The following PPIL1 variants were observed in gnomAD, a reference collection of about 807,000 sequenced individuals.
The protein encoded by PPIL1 is peptidylprolyl isomerase like 1.
Under a neutral mutation model 19.4 loss-of-function variants are expected in PPIL1, and 14 were observed. That is an observed-to-expected ratio of 0.72 (90% CI 0.48 to 1.13). The LOEUF (loss-of-function observed/expected upper bound fraction) is 1.13, where lower values mean the gene tolerates loss of function less well. Ranked by LOEUF, PPIL1 falls within the 50% of genes most tolerant of loss-of-function variation. The pLI is 0.00. For missense variants in PPIL1, 192 were observed against 218.0 expected, an observed-to-expected ratio of 0.88 and a Z score of 0.75; for synonymous variants, 72 against 73.6, an observed-to-expected ratio of 0.98 and a Z score of 0.11.
intron 2 of PPIL1, chr6:36,858,600 G>GC (rs980477844): frequency 4.6e-5 from 7 of 152,192 alleles, no homozygotes; most frequent in East Asian, 3.9e-4. Flanking sequence ...GCCTGTCACA[G>GC]CCCCCGTTTC....
rs528311169 is a variant in PPIL1 at position 36,856,528 on chromosome 6, A to G, written c.280+58T>C. 683 of 1,507,790 alleles carry G rather than the reference A, an allele frequency of 4.5e-4. 2 individuals carry two copies. The highest frequency in any genetic ancestry group is 8.1e-5 in the Non-Finnish European group (88 of 1,084,068). 93.4% of individuals were successfully genotyped at this position (1,507,790 alleles called of 1,614,324 possible). A position where few individuals can be genotyped will look rare whatever the true frequency, so the allele number is the denominator to read the frequency against. On this transcript the variant is annotated intron_variant, in intron 3 of 3. Coordinates refer to ENST00000373699, the MANE Select transcript of PPIL1 (RefSeq NM_016059.5). ...AGGCATTCACCTTGAATCATGGCCA[A>G]AAGAGTGAGCTTTTAAAATCCCCGT...
chr6:36,860,166 C>A (rs1774252890), intron 2 of PPIL1, among the ~76,000 whole-genome samples: 1 of 151,476 alleles, frequency 6.6e-6, no homozygotes, highest in South Asian at 2.1e-4. Context: ...TAGAAAAGAA[C>A]CTTCAAGATT....
chr6:36,856,779 C>T (rs1006844096), intron 2 of PPIL1, 125 bp from the exon 3 acceptor site: 2 of 750,452 alleles, frequency 2.7e-6, no homozygotes, highest in East Asian at 2.6e-5. Context: ...ACACCTACCC[C>T]ACTGCTAGGT....
At chr6:36,873,025 G>A (rs1370879207) in intron 1 of PPIL1, among the ~76,000 whole-genome samples, 1 of 152,232 alleles carries the variant, frequency 6.6e-6, no homozygotes, top group Non-Finnish European at 1.5e-5. Flanking sequence ...CTTTCTGCCT[G>A]AAATTCATCC....
intron 2 of PPIL1, among the ~76,000 whole-genome samples, chr6:36,868,728 C>T (rs1169653049): frequency 6.6e-6 from 1 of 151,940 alleles, no homozygotes; most frequent in East Asian, 1.9e-4. Context: ...CTCAGCTACT[C>T]GGGAGGCTGA....
At chr6:36,866,065 G>C (rs946291760) in intron 2 of PPIL1, among the ~76,000 whole-genome samples, 2 of 152,150 alleles carry the variant, frequency 1.3e-5, no homozygotes, top group Non-Finnish European at 2.9e-5. Context: ...GTGCAGAGCA[G>C]GAAGAGCTAA....
At chr6:36,863,748 C>T (rs1412500007) in intron 2 of PPIL1, among the ~76,000 whole-genome samples, 1 of 151,970 alleles carries the variant, frequency 6.6e-6, no homozygotes, top group African/African-American at 2.4e-5. Context: ...TTGTCAAGGT[C>T]GCCAGTGACC....
intron 2 of PPIL1, among the ~76,000 whole-genome samples, chr6:36,868,672 T>C (rs990837270): frequency 8.6e-5 from 13 of 152,044 alleles, no homozygotes; most frequent in African/African-American, 3.1e-4. Context: ...CTCAACTCTA[T>C]AAAAAATTTA....
chr6:36,863,598 ATCC>A (rs1309233436), intron 2 of PPIL1, among the ~76,000 whole-genome samples: 5 of 152,162 alleles, frequency 3.3e-5, no homozygotes, highest in Non-Finnish European at 7.3e-5. Flanking sequence ...ATTTCCAAGT[ATCC>A]TCCTATTTCT....
intron 2 of PPIL1, among the ~76,000 whole-genome samples, chr6:36,870,265 TGAG>T (rs1410578170): frequency 6.6e-6 from 1 of 152,132 alleles, no homozygotes; most frequent in African/African-American, 2.4e-5. Flanking sequence ...AGAAGCAGAC[TGAG>T]AAGCAAGGGC....
At chr6:36,869,169 A>C (rs182249825) in intron 2 of PPIL1, among the ~76,000 whole-genome samples, 1 of 152,066 alleles carries the variant, frequency 6.6e-6, no homozygotes, top group East Asian at 1.9e-4. Flanking sequence ...TTTTTTGTAG[A>C]GACGGGGTCT....
chr6:36,872,157 T>C (rs1480254197), intron 1 of PPIL1, among the ~76,000 whole-genome samples: 2 of 152,044 alleles, frequency 1.3e-5, no homozygotes, highest in African/African-American at 4.8e-5. Flanking sequence ...CATATGTATA[T>C]ATATATAGCT....
chr6:36,862,869 G>T (rs550287643), intron 2 of PPIL1, among the ~76,000 whole-genome samples: 1 of 152,326 alleles, frequency 6.6e-6, no homozygotes, highest in African/African-American at 2.4e-5. Context: ...AGTCCTCCAA[G>T]GGGCTTTGTG....
chr6:36,859,424 CAAAAAAAAAAAAA>C (rs36097489), intron 2 of PPIL1, among the ~76,000 whole-genome samples: 254 of 73,212 alleles, frequency 3.5e-3, no homozygotes, highest in African/African-American at 0.012. Context: ...GACCCTGTCT[CAAAAAAAAAAAAA>C]AAAAAAAAAA....
At chr6:36,865,540 T>A (rs1217478869) in intron 2 of PPIL1, among the ~76,000 whole-genome samples, 1 of 152,184 alleles carries the variant, frequency 6.6e-6, no homozygotes, top group African/African-American at 2.4e-5. Flanking sequence ...TACCCCTGCA[T>A]GCCTCTGTCA....
At chr6:36,864,862 C>T (rs1023667136) in intron 2 of PPIL1, among the ~76,000 whole-genome samples, 11 of 152,194 alleles carry the variant, frequency 7.2e-5, no homozygotes, top group Non-Finnish European at 1.5e-4. Flanking sequence ...CATTCTCCGT[C>T]TCTCACCAGA....
intron 2 of PPIL1, 62 bp downstream of exon 2, chr6:36,871,656 G>A: frequency 1.3e-6 from 2 of 1,531,956 alleles, no homozygotes; most frequent in East Asian, 4.7e-5. Context: ...GCTGGCTTTA[G>A]AAAAAAAGAC....
chr6:36,855,858 G>A lies in PPIL1; in HGVS notation c.456C>T (p.Arg152=), dbSNP rs1774154777. 1.1e-5 allele frequency: 18 copies of A among 1,613,990 alleles called. No individual in the cohort carries two copies. Among genetic ancestry groups the A allele is most frequent in the Non-Finnish European group, 1.5e-5 (18 of 1,180,016 alleles). ...TAATGATCTTCACGTCGTCCACAGG[G>A]CGGTCCTGGGAGTTTGTTTCTACCA... ...VGMVETNSQD[R]PVDDVKIIKA... is the part of the protein sequence containing the mutation. The change falls in exon 4 of 4, where the codon CGC becomes CGT. Residue 152 remains arginine (R), a synonymous_variant. Coordinates refer to ENST00000373699, the MANE Select transcript of PPIL1 (RefSeq NM_016059.5).
intron 2 of PPIL1, among the ~76,000 whole-genome samples, chr6:36,866,591 T>C (rs1444806185): frequency 6.6e-6 from 1 of 152,096 alleles, no homozygotes; most frequent in Non-Finnish European, 1.5e-5. Context: ...ACCATGGAAA[T>C]GTGACATTAT....
Sources: gnomAD v4.1 joint callset for allele counts (sites outside exome capture counted in the v4.1 genomes callset) on GRCh38, gnomAD v4.1.1 for gene constraint, MANE v1.5 for transcripts, NCBI Gene and HGNC (gene_info 2026-07-23, HGNC 2026-07-21) for gene names.